The following NEB variants were observed in gnomAD, a reference collection of about 807,000 sequenced individuals.
NEB encodes the protein nebulin.
In NEB, 512 loss-of-function variants were observed where a neutral mutation model predicts 952.2. The observed-to-expected ratio is 0.54, with a 90% CI of 0.50 to 0.58. The LOEUF is 0.58. Among genes scored for constraint, NEB ranks in the 20% least tolerant of loss-of-function variants. The pLI is 0.00. For synonymous variants in NEB, 2,900 were observed against 3,149.8 expected (o/e 0.92, Z 2.66); for missense variants, 8,428 against 9,231.1 (o/e 0.91, Z 3.56).
chr2:151,601,625 T>C (rs2097541958), intron 88 of NEB, among the ~76,000 whole-genome samples: 1 of 40,660 alleles, frequency 2.5e-5, no homozygotes. Context: ...CTCTGTACTA[T>C]GAAATTAAAT....
chr2:151,664,580 T>C lies in NEB; in HGVS notation c.5372A>G (p.Glu1791Gly). The change falls in exon 44 of 182, where the codon GAA (glutamate) becomes GGA (glycine). Residue 1791 changes from glutamate (E) to glycine (G), a missense_variant. By Grantham distance (98) the Glu-to-Gly change is moderately conservative (BLOSUM62 -2). This residue lies in a region of NEB where 2,851 missense variants were observed against 2,791.5 expected (regional missense o/e 1.02). Transcript: ENST00000397345. ...DKLYKAGWEE[E>G]KKKGYDLRPD... The stretch of plus-strand genomic sequence containing the variant: ...CCTCAGGTCATATCCTTTCTTCTTT[T>C]CCTCTTCCCAGCCAGCTTTGTACAG... 1 of 1,608,282 alleles carries C rather than the reference T, an allele frequency of 6.2e-7. No homozygotes were observed. The highest frequency in any genetic ancestry group is 8.5e-7 in the Non-Finnish European group (1 of 1,177,190).
intron 52 of NEB, among the ~76,000 whole-genome samples, chr2:151,652,347 T>G (rs1412338023): frequency 6.6e-6 from 1 of 152,082 alleles, no homozygotes; most frequent in Non-Finnish European, 1.5e-5. Flanking sequence ...CACCTCAGCC[T>G]CCCAAGTAGC....
intron 74 of NEB, 45 bp downstream of exon 74, chr2:151,618,230 T>C (rs1428926225): frequency 1.3e-6 from 2 of 1,526,872 alleles, no homozygotes; most frequent in South Asian, 1.1e-5. Flanking sequence ...TTTAAATTGT[T>C]CTGTGGTAAC....
intron 70 of NEB, 105 bp from the exon 71 acceptor site, chr2:151,625,743 C>T: frequency 4.7e-6 from 3 of 633,410 alleles, no homozygotes; most frequent in South Asian, 6.1e-5. Flanking sequence ...TTCTTGCTGT[C>T]TGTTCCATGT....
In NEB at chr2:151,526,211, G is replaced by A; in HGVS notation, c.21997C>T (p.Pro7333Ser). 18 of 1,613,846 alleles carry A rather than the reference G, an allele frequency of 1.1e-5. No individual in the cohort carries two copies. Among genetic ancestry groups the A allele is most frequent in the Non-Finnish European group, 1.5e-5 (18 of 1,179,826 alleles). The change falls in exon 149 of 182, where the codon CCT becomes TCT. Residue 7333 changes from proline (P) to serine (S), a missense_variant. By Grantham distance (74) the Pro-to-Ser change is moderately conservative. This residue lies in a region of NEB where 3,374 missense variants were observed against 3,651.5 expected (regional missense o/e 0.92). Transcript: ENST00000397345. ...GCCAGCAGGATCTGAGGCGTGTCAGGTACGGCATGGCAGGTTCCTCTTTCC... is the reference window on the plus strand; with the variant it reads ...GCCAGCAGGATCTGAGGCGTGTCAGATACGGCATGGCAGGTTCCTCTTTCC... ...VKERGTCHAVPDTPQILLAKT... is the reference protein window; with the variant it reads ...VKERGTCHAVSDTPQILLAKT...
At chr2:151,732,882 G>GT (rs1445629239) in intron 3 of NEB, among the ~76,000 whole-genome samples, 2 of 152,134 alleles carry the variant, frequency 1.3e-5, no homozygotes, top group African/African-American at 4.8e-5. Context: ...CTCCAACTTG[G>GT]TTTTTTGAGA....
intron 74 of NEB, among the ~76,000 whole-genome samples, chr2:151,617,834 G>A (rs902588548): frequency 6.6e-6 from 1 of 151,966 alleles, no homozygotes; most frequent in Admixed American, 6.6e-5. Flanking sequence ...GGCCGAGATG[G>A]GTGGATCACC....
intron 3 of NEB, among the ~76,000 whole-genome samples, chr2:151,731,045 G>C (rs2099806605): frequency 6.6e-6 from 1 of 152,142 alleles, no homozygotes. Context: ...ACGCCACATA[G>C]AGTCATTCCT....
chr2:151,702,768 C>A (rs1482187693), intron 13 of NEB, among the ~76,000 whole-genome samples: 8 of 152,106 alleles, frequency 5.3e-5, no homozygotes, highest in Non-Finnish European at 1.2e-4. Context: ...TGTCTCTGCA[C>A]GTGAGTTGGG....
intron 12 of NEB, among the ~76,000 whole-genome samples, chr2:151,707,887 C>G (rs550432268): frequency 1.6e-4 from 24 of 152,306 alleles, no homozygotes; most frequent in Admixed American, 1.1e-3. Flanking sequence ...CAGAGCATCA[C>G]GACAGTATGC....
intron 157 of NEB, among the ~76,000 whole-genome samples, chr2:151,515,870 G>A (rs2077474247): frequency 6.6e-6 from 1 of 152,130 alleles, no homozygotes; most frequent in Non-Finnish European, 1.5e-5. Flanking sequence ...TTTATAGTTG[G>A]AGGAAGAGAG....
At chr2:151,560,922 G>A (rs1577567467) in intron 123 of NEB, 82 bp downstream of exon 123, 1 of 859,714 alleles carries the variant, frequency 1.2e-6, no homozygotes, top group South Asian at 1.8e-5. Flanking sequence ...TAGGGAAAGA[G>A]TGTCCATCCC....
intron 72 of NEB, among the ~76,000 whole-genome samples, chr2:151,620,347 G>GTGTATATATA (rs1441051822): frequency 8.3e-5 from 4 of 48,484 alleles, no homozygotes; most frequent in Admixed American, 8.1e-4. Context: ...GTATGTGTGT[G>GTGTATATATA]TATATATATA....
At chr2:151,625,719 G>GCTGGCTCTCAACT in intron 70 of NEB, 81 bp from the exon 71 acceptor site, 1 of 883,144 alleles carries the variant, frequency 1.1e-6, no homozygotes, top group Non-Finnish European at 1.6e-6. Context: ...CCATGACAAA[G>GCTGGCTCTCAACT]TTGAGAGCCA....
chr2:151,541,512 A>G lies in NEB; in HGVS notation c.20617T>C (p.Phe6873Leu). 6.2e-7 allele frequency: 1 copy of G among 1,613,590 alleles called. No homozygotes were observed. Among genetic ancestry groups the G allele is most frequent in the African/African-American group, 1.3e-5 (1 of 75,026 alleles). The change falls in exon 136 of 182, where the codon TTT becomes CTT. Residue 6873 changes from phenylalanine to leucine, a missense_variant. This residue lies in a region of NEB where 3,374 missense variants were observed against 3,651.5 expected (regional missense o/e 0.92). Coordinates refer to ENST00000397345, the MANE Select transcript of NEB (RefSeq NM_001164508.2). ...TCAGGAGTATCAGGAACTGAAGTAAAGATTGACTTCTGCTTCTTGCCTGCA... is the reference window on the plus strand; with the variant it reads ...TCAGGAGTATCAGGAACTGAAGTAAGGATTGACTTCTGCTTCTTGCCTGCA... ...RAAGKKQKSI[F>L]TSVPDTPDLL...
intron 13 of NEB, among the ~76,000 whole-genome samples, chr2:151,699,610 C>T (rs2099629742): frequency 1.4e-5 from 1 of 72,814 alleles, no homozygotes; most frequent in African/African-American, 5.7e-5. Context: ...TCTCTGATGG[C>T]CAGTGATGAT....
rs777619904 is a variant in NEB, at chr2:151,568,328, C to G, written c.17724G>C (p.Arg5908Ser). Residue 5908 changes from arginine to serine, a missense_variant, in exon 112 of 182, where the codon AGG becomes AGC. This residue lies in a region of NEB where 3,374 missense variants were observed against 3,651.5 expected (regional missense o/e 0.92). Coordinates refer to ENST00000397345, the MANE Select transcript of NEB (RefSeq NM_001164508.2). ...GTGAAACCCATACCTGGTCCAGTAT[C>G]CTAGCAGCCTCCTGGGCAGTGTGCA... ...PLLHTAQEAA[R>S]ILDQYLYKEG... 1 of 1,613,420 alleles carries G rather than the reference C, an allele frequency of 6.2e-7. No homozygotes were observed. Among genetic ancestry groups the G allele is most frequent in the Non-Finnish European group, 8.5e-7 (1 of 1,179,674 alleles).
At position 151,655,487 on chromosome 2, in the gene NEB, T is replaced by G. The variant is rs1003688767; in HGVS notation, c.6703-113A>C. ...GCACTCAATTTGATGTAGTAAGTAATAACTAAGTAGCATATAATTCAGAAA... is the reference window on the plus strand; with the variant it reads ...GCACTCAATTTGATGTAGTAAGTAAGAACTAAGTAGCATATAATTCAGAAA... On this transcript the variant is annotated intron_variant, in intron 50 of 181. Coordinates refer to ENST00000397345, the MANE Select transcript of NEB (RefSeq NM_001164508.2). 7.2e-6 allele frequency: 4 copies of G among 553,960 alleles called. No homozygotes were observed. In the East Asian group the frequency reaches 1.2e-4, roughly 16 times the overall value. The allele number at this position is 553,960 out of a possible 1,614,324, so 34.3% of individuals were successfully genotyped here.
chr2:151,537,164 G>A lies in NEB; in HGVS notation c.21175C>T (p.Leu7059=), dbSNP rs2093336411. ...TAGAGAGTCTTGTTCTTTTCAGCCA[G>A]AGTGAAATCAGGGGTATCATAGGCA... The part of the protein sequence containing the change: ...CYAYDTPDFT[L]AEKNKTLYSK... Residue 7059 remains leucine (L), a synonymous_variant, in exon 141 of 182, where the codon CTG becomes TTG. Coordinates refer to ENST00000397345, the MANE Select transcript of NEB (RefSeq NM_001164508.2). 1 of 1,612,994 alleles carries A rather than the reference G, an allele frequency of 6.2e-7. No homozygotes were observed. Among genetic ancestry groups the A allele is most frequent in the Admixed American group, 1.7e-5 (1 of 59,996 alleles).
Sources: gnomAD v4.1 joint callset for allele counts (sites outside exome capture counted in the v4.1 genomes callset) on GRCh38, gnomAD v4.1.1 for gene constraint, gnomAD v4.1.1 regional missense constraint, MANE v1.5 for transcripts, NCBI Gene and HGNC (gene_info 2026-07-23, HGNC 2026-07-21) for gene names.